The following MAMSTR variants were observed in gnomAD, a reference collection of about 807,000 sequenced individuals.
MAMSTR encodes MEF2-activating motif and SAP domain-containing transcriptional regulator.
A neutral mutation model predicts 42.7 loss-of-function variants in MAMSTR; 41 were observed. The observed-to-expected ratio is 0.96, with a 90% CI of 0.75 to 1.25. The LOEUF is 1.25. Ranked by LOEUF, MAMSTR falls within the 50% of genes most tolerant of loss-of-function variation. The pLI, the probability that MAMSTR is intolerant of heterozygous loss-of-function variation, is 0.00. For synonymous variants in MAMSTR, 265 were observed against 244.1 expected (o/e 1.09, Z -0.80); for missense variants, 567 against 557.6 (o/e 1.02, Z -0.17).
chr19:48,714,482 G>T lies in MAMSTR; in HGVS notation c.607C>A (p.Arg203Ser). 7.3e-7 allele frequency: 1 copy of T among 1,373,356 alleles called. No homozygotes were observed. Among genetic ancestry groups the T allele is most frequent in the Non-Finnish European group, 9.3e-7 (1 of 1,076,072 alleles). 85.1% of individuals were successfully genotyped at this position (1,373,356 alleles called of 1,614,324 possible). A position where few individuals can be genotyped will look rare whatever the true frequency, so the allele number is the denominator to read the frequency against. ...CGCTCGCGGGGCGGCGCGCCGCCGC[G>T]CATGCGCTCCAGGAGCATAGACTTG... ...GTKSMLLERM[R>S]GGAPPRERPK... Residue 203 changes from arginine (R) to serine (S), a missense_variant, in exon 7 of 10, where the codon CGC (arginine) becomes AGC (serine). Transcript: ENST00000318083.
the MAMSTR span, among the ~76,000 whole-genome samples, chr19:48,706,201 C>T: frequency 6.6e-6 from 1 of 150,462 alleles, no homozygotes; most frequent in Non-Finnish European, 1.5e-5. Context: ...GCAGGAGAAT[C>T]GTTTGCACCA....
chr19:48,719,083 C>T lies in MAMSTR; in HGVS notation c.-21-31G>A, dbSNP rs1360551534. 6.7e-7 allele frequency: 1 copy of T among 1,500,218 alleles called. No individual in the cohort carries two copies. Among genetic ancestry groups the T allele is most frequent in the African/African-American group, 1.4e-5 (1 of 72,032 alleles). 92.9% of individuals were successfully genotyped at this position (1,500,218 alleles called of 1,614,324 possible). On this transcript the variant is annotated intron_variant, in intron 1 of 9. Transcript: ENST00000318083. This position sits in a 1 kb window ranked among gnomAD's most constrained non-coding sequence, Gnocchi z 4.4. ...CGGAGAGGGGGCAGGGCAGGGGCCC[C>T]ATAGAGGGCTGGCTCAGAGTGGAGG...
chr19:48,719,183 C>T lies in MAMSTR; in HGVS notation c.-21-131G>A. ...AGGTGGGAATAGGAGCAGCCTTGGG[C>T]CATAACTTCCGGATCCCAGGGGCTG... is the stretch of plus-strand genomic sequence containing the variant. On this transcript the variant is annotated intron_variant, in intron 1 of 9. Coordinates refer to ENST00000318083, the MANE Select transcript of MAMSTR (RefSeq NM_001130915.2). This position sits in a 1 kb window ranked among gnomAD's most constrained non-coding sequence, Gnocchi z 4.4. 3.1e-6 allele frequency: 2 copies of T among 645,590 alleles called. No individual in the cohort carries two copies. The highest frequency in any genetic ancestry group is 2.7e-6 in the Non-Finnish European group (1 of 365,660). 40.0% of individuals were successfully genotyped at this position (645,590 alleles called of 1,614,324 possible).
At chr19:48,718,915 C>A (rs2033151823) in intron 2 of MAMSTR, 59 bp downstream of exon 2, 2 of 1,433,980 alleles carry the variant, frequency 1.4e-6, no homozygotes, top group South Asian at 1.2e-5. Flanking sequence ...CCCTTCCCAC[C>A]CCAGAGTACA....
At position 48,713,708 on chromosome 19, in the gene MAMSTR, G is replaced by T; in HGVS notation, c.964+8C>A. 6.2e-7 allele frequency: 1 copy of T among 1,614,176 alleles called. No individual in the cohort carries two copies. Among genetic ancestry groups the T allele is most frequent in the South Asian group, 1.1e-5 (1 of 91,076 alleles). On this transcript the variant is annotated splice_region_variant and intron_variant, in intron 9 of 9. Transcript: ENST00000318083. Reference sequence around the variant, plus strand: ...CACCTCCCCTAAATCTAGCAGTTTGGATCCTACCATCAGGCTCCACCTGAT... The same window carrying T: ...CACCTCCCCTAAATCTAGCAGTTTGTATCCTACCATCAGGCTCCACCTGAT...
Position 48,718,979 on chromosome 19 carries a change from C to G in MAMSTR, c.53G>C (p.Arg18Pro). The change falls in exon 2 of 10, where the codon CGA becomes CCA. Residue 18 changes from arginine (R) to proline (P), a missense_variant. Physicochemically the swap from Arg to Pro is moderately radical, Grantham distance 103 (BLOSUM62 -2). Transcript: ENST00000318083. ...TAAAGAGAGCCCTCTCTCACCAGAT[C>G]GGAACTTGGAGCGAATGATTTGGGA... The part of the protein sequence containing the change: ...QRSQIIRSKF[R>P]SVLQLRIHRR... 6.5e-7 allele frequency: 1 copy of G among 1,536,176 alleles called. No individual in the cohort carries two copies. The highest frequency in any genetic ancestry group is 8.8e-7 in the Non-Finnish European group (1 of 1,137,390).
intron 2 of MAMSTR, among the ~76,000 whole-genome samples, chr19:48,718,242 C>A (rs1385175559): frequency 2.0e-5 from 3 of 152,154 alleles, no homozygotes; most frequent in Admixed American, 2.0e-4. Context: ...TGGACATATG[C>A]GCCTTTTTGT....
intron 5 of MAMSTR, 45 bp downstream of exon 5, chr19:48,715,217 G>A (rs2032949018): frequency 6.6e-7 from 1 of 1,517,800 alleles, no homozygotes; most frequent in East Asian, 2.4e-5. Flanking sequence ...AGGATGCTGG[G>A]ACCTGAATTT....
At position 48,716,720 on chromosome 19, in the gene MAMSTR, G is replaced by A. The variant is rs745350527; in HGVS notation, c.82C>T (p.Arg28Trp). 8 of 1,338,770 alleles carry A rather than the reference G, an allele frequency of 6.0e-6. No individual in the cohort carries two copies. Among genetic ancestry groups the A allele is most frequent in the Middle Eastern group, 1.9e-4 (1 of 5,188 alleles). 82.9% of individuals were successfully genotyped at this position (1,338,770 alleles called of 1,614,324 possible). Residue 28 changes from arginine (R) to tryptophan (W), a missense_variant, in exon 3 of 10, where the codon CGG becomes TGG. Coordinates refer to ENST00000318083, the MANE Select transcript of MAMSTR (RefSeq NM_001130915.2). ...CCATACTTACTCTGCTCCTGATTCC[G>A]TCTGTGGATCCGAAGCTGGAGGACT... Reference protein sequence around the residue: ...RSVLQLRIHRRNQEQISDPDP... With the variant: ...RSVLQLRIHRWNQEQISDPDP...
In MAMSTR at chr19:48,713,986, C is replaced by T. The variant is rs769628040; in HGVS notation, c.783G>A (p.Gly261=). ...PPLPRAADTP[G]TAPAPTPTPA... is the part of the protein sequence containing the mutation. The stretch of plus-strand genomic sequence containing the variant: ...GAGTGGGAGTTGGAGCCGGAGCCGT[C>T]CCCGGGGTATCCGCGGCACGTGGAA... The change falls in exon 8 of 10, where the codon GGG becomes GGA. Residue 261 remains glycine, a synonymous_variant. Transcript: ENST00000318083. The T allele has an allele frequency of 6.2e-7, 1 of 1,612,508 alleles. No homozygotes were observed. Among genetic ancestry groups the T allele is most frequent in the South Asian group, 1.1e-5 (1 of 90,890 alleles).
At chr19:48,707,822 A>AAGAG (rs1167555672), downstream of MAMSTR, among the ~76,000 whole-genome samples, 1 of 143,596 alleles carries the variant, frequency 7.0e-6, no homozygotes, top group African/African-American at 2.6e-5. Context: ...GAAAGAAAGA[A>AAGAG]AGACAAAGAA....
At chr19:48,714,099 C>A in intron 7 of MAMSTR, 54 bp from the exon 8 acceptor site, 1 of 1,497,496 alleles carries the variant, frequency 6.7e-7, no homozygotes, top group Middle Eastern at 2.5e-4. Flanking sequence ...GGGCGCAACC[C>A]CACCCACTCG....
At chr19:48,710,977 TTA>T (rs773605517), downstream of MAMSTR, among the ~76,000 whole-genome samples, 1 of 152,132 alleles carries the variant, frequency 6.6e-6, no homozygotes, top group Non-Finnish European at 1.5e-5. Context: ...TCCTGGGAGT[TTA>T]TGTCATTCCT....
downstream of MAMSTR, among the ~76,000 whole-genome samples, chr19:48,710,270 A>AT (rs1351063840): frequency 0.016 from 1,831 of 111,662 alleles, 31 homozygotes; most frequent in African/African-American, 0.06. Flanking sequence ...ACACCTGGCT[A>AT]ATTATTTTTT....
downstream of MAMSTR, among the ~76,000 whole-genome samples, chr19:48,709,910 C>T (rs1364871263): frequency 1.3e-5 from 2 of 152,198 alleles, no homozygotes; most frequent in African/African-American, 4.8e-5. Flanking sequence ...CACTCTTTCG[C>T]CCAGGCTGGA....
At chr19:48,706,142 C>T in the MAMSTR span, among the ~76,000 whole-genome samples, 1 of 149,554 alleles carries the variant, frequency 6.7e-6, no homozygotes, top group Non-Finnish European at 1.5e-5. Context: ...AAAACATTAG[C>T]CAGGGGTGGT....
downstream of MAMSTR, among the ~76,000 whole-genome samples, chr19:48,709,151 A>G (rs377069425): frequency 6.6e-6 from 1 of 152,054 alleles, no homozygotes; most frequent in Non-Finnish European, 1.5e-5. Context: ...ATGGCTGGGC[A>G]TGGTGGTGCA....
chr19:48,715,342 G>A lies in MAMSTR; in HGVS notation c.345C>T (p.Asp115=). ...PPEPRQGSRA[D]PQAEGSALGP... Reference sequence around the variant, plus strand: ...CCAGGGCGGACCCCTCGGCTTGGGGGTCCGCCCTGGATCCCTGTCTCGGCT... The same window carrying A: ...CCAGGGCGGACCCCTCGGCTTGGGGATCCGCCCTGGATCCCTGTCTCGGCT... Residue 115 remains aspartate (D), a synonymous_variant, in exon 5 of 10, where the codon GAC becomes GAT. Transcript: ENST00000318083. 1 of 1,563,784 alleles carries A rather than the reference G, an allele frequency of 6.4e-7. No individual in the cohort carries two copies. Among genetic ancestry groups the A allele is most frequent in the Non-Finnish European group, 8.6e-7 (1 of 1,163,094 alleles).
At chr19:48,716,660 G>A in intron 3 of MAMSTR, 45 bp downstream of exon 3, 1 of 1,333,008 alleles carries the variant, frequency 7.5e-7, no homozygotes, top group South Asian at 2.1e-5. Flanking sequence ...ATCCCAGTGG[G>A]GAGTGGGGGG....
Sources: allele counts gnomAD v4.1 joint callset (sites outside exome capture counted in the v4.1 genomes callset), GRCh38; gene constraint gnomAD v4.1.1; non-coding constraint Gnocchi (gnomAD v3.1); transcripts MANE v1.5; gene names NCBI Gene and HGNC (gene_info 2026-07-23, HGNC 2026-07-21).